Variants in IDI2 observed in about 807,000 individuals in gnomAD.
IDI2 encodes the protein isopentenyl-diphosphate delta isomerase 2.
IDI2 carries 18 observed loss-of-function variants against 14.8 expected under a neutral mutation model. The ratio of observed to expected loss-of-function variants is 1.22; its 90% CI spans 0.84 to 1.80. The LOEUF (loss-of-function observed/expected upper bound fraction) is 1.80, where lower values mean the gene tolerates loss of function less well. IDI2 is among the 40% of genes most tolerant of loss of function. The pLI, the probability that IDI2 is intolerant of heterozygous loss-of-function variation, is 0.00. For missense variants in IDI2, 316 were observed against 283.2 expected, an observed-to-expected ratio of 1.12 and a Z score of -0.83; for synonymous variants, 133 against 109.6, an observed-to-expected ratio of 1.21 and a Z score of -1.33.
In IDI2 at chr10:1,019,748, G is replaced by A. The variant is rs1484469917; in HGVS notation, c.453C>T (p.Tyr151=). 13 of 1,613,968 alleles carry A rather than the reference G, an allele frequency of 8.1e-6. No homozygotes were observed. The highest frequency in any genetic ancestry group is 1.0e-5 in the Non-Finnish European group (12 of 1,179,982). The change falls in exon 5 of 5, where the codon TAC becomes TAT. Residue 151 remains tyrosine, a synonymous_variant. Coordinates refer to ENST00000277517, the MANE Select transcript of IDI2 (RefSeq NM_033261.3). ...TGACGTTTTTCCTCACAAGCAGAAG[G>A]TAACAAATTTCATGCTCTCCCCAAA... ...DRIWGEHEIC[Y]LLLVRKNVTL...
Position 1,020,946 on chromosome 10 carries a change from A to C in IDI2, c.236-49T>G, listed in dbSNP as rs778625929. 8.3e-6 allele frequency: 13 copies of C among 1,575,626 alleles called. No homozygotes were observed. In the East Asian group the frequency reaches 2.5e-4, roughly 30 times the overall value. ...ATCCCTCTTTATTCCTGAAAAGTGA[A>C]TATATTAAATACAAATGCAGATGCT... is the stretch of plus-strand genomic sequence containing the variant. On this transcript the variant is annotated intron_variant, in intron 3 of 4. Transcript: ENST00000277517.
At chr10:1,024,293 T>C (rs1432821410) in intron 2 of IDI2, among the ~76,000 whole-genome samples, 3 of 152,132 alleles carry the variant, frequency 2.0e-5, no homozygotes, top group African/African-American at 7.2e-5. Flanking sequence ...GATGCCAAGG[T>C]CAGGGTTCTC....
intron 3 of IDI2, among the ~76,000 whole-genome samples, chr10:1,021,339 T>C (rs1832095852): frequency 6.6e-6 from 1 of 152,188 alleles, no homozygotes; most frequent in Non-Finnish European, 1.5e-5. Flanking sequence ...TGGTGATCAG[T>C]GAGCATGGTT....
rs756857695 is a variant in IDI2 at position 1,020,875 on chromosome 10, A to G, written c.258T>C (p.Ser86=). 51 of 1,613,610 alleles carry G rather than the reference A, an allele frequency of 3.2e-5. No individual in the cohort carries two copies. In the South Asian group the frequency reaches 5.4e-4, roughly 17 times the overall value. The change falls in exon 4 of 5, where the codon AGT becomes AGC. Residue 86 remains serine, a synonymous_variant. Transcript: ENST00000277517. Reference sequence around the variant, plus strand: ...CTGCTGGGTTGTATAATGGGTGGCTACTACAGGAGTCGGTAAAATACCCTG... The same window carrying G: ...CTGCTGGGTTGTATAATGGGTGGCTGCTACAGGAGTCGGTAAAATACCCTG... ...TFPGYFTDSC[S]SHPLYNPAEL...
rs542783255 is a variant in IDI2, at chr10:1,022,020, A to G, written c.235+663T>C. ...CACGCCTATAATCCCAGCACTTTGG[A>G]AGGCCAAGACAGGCATATCACGAGG... is the stretch of plus-strand genomic sequence containing the variant. On this transcript the variant is annotated intron_variant, in intron 3 of 4. Transcript: ENST00000277517. Among the ~76,000 whole-genome samples the G allele has an allele frequency of 2.8e-4, 42 of 152,238 alleles. 1 individual carries two copies. The South Asian group carries it at 5.4e-3, about 20-fold the overall frequency.
intron 3 of IDI2, among the ~76,000 whole-genome samples, chr10:1,022,191 G>A (rs184524197): frequency 2.6e-4 from 40 of 151,928 alleles, no homozygotes; most frequent in South Asian, 2.5e-3. Flanking sequence ...CCCAGGAGGC[G>A]GGGCTTGCAG....
chr10:1,021,596 G>A (rs1564474691), intron 3 of IDI2, among the ~76,000 whole-genome samples: 1 of 152,202 alleles, frequency 6.6e-6, no homozygotes, highest in South Asian at 2.1e-4. Flanking sequence ...GTATCCTGGA[G>A]GCGGCTAACA....
chr10:1,020,685 T>G, intron 4 of IDI2, 82 bp downstream of exon 4: 1 of 1,413,652 alleles, frequency 7.1e-7, no homozygotes, highest in East Asian at 2.3e-5. Context: ...ATGGTGTAGA[T>G]CCAGCCTGGA....
At chr10:1,023,325 A>G (rs1192595225) in intron 2 of IDI2, among the ~76,000 whole-genome samples, 1 of 152,006 alleles carries the variant, frequency 6.6e-6, no homozygotes, top group African/African-American at 2.4e-5. Flanking sequence ...AATACAAAAA[A>G]ATTAGCTGGG....
chr10:1,024,526 G>A, intron 2 of IDI2, 56 bp downstream of exon 2: 1 of 1,594,754 alleles, frequency 6.3e-7, no homozygotes, highest in Non-Finnish European at 8.6e-7. Context: ...GTTGCCGTCG[G>A]GTGGGAAAAA....
rs1380760066 is a variant in IDI2, at chr10:1,019,221, C to A, written c.*296G>T. 2 of 314,776 alleles carry A rather than the reference C, an allele frequency of 6.4e-6. No homozygotes were observed. The highest frequency in any genetic ancestry group is 2.2e-5 in the African/African-American group (1 of 46,504). The allele number at this position is 314,776 out of a possible 1,614,324, so 19.5% of individuals were successfully genotyped here. On this transcript the variant is annotated 3_prime_UTR_variant, in exon 5 of 5. Coordinates refer to ENST00000277517, the MANE Select transcript of IDI2 (RefSeq NM_033261.3). ...TGCTTCAGGACTCTCAAGATCTCCC[C>A]AAGACTTTCAGGATCAGCTGCTGTT...
chr10:1,025,296 T>C (rs1476138379), intron 1 of IDI2, among the ~76,000 whole-genome samples: 2 of 152,102 alleles, frequency 1.3e-5, no homozygotes, highest in African/African-American at 4.8e-5. Flanking sequence ...TCCCAGTACT[T>C]TGGGAGGCCG....
intron 2 of IDI2, among the ~76,000 whole-genome samples, chr10:1,024,304 G>A (rs1374881379): frequency 6.6e-6 from 1 of 152,184 alleles, no homozygotes; most frequent in Non-Finnish European, 1.5e-5. Flanking sequence ...CAGGGTTCTC[G>A]CTAAAACAAC....
chr10:1,020,799 G>T lies in IDI2; in HGVS notation c.334C>A (p.Leu112Met), dbSNP rs1316747992. The change falls in exon 4 of 5, where the codon CTG becomes ATG. Residue 112 changes from leucine to methionine, a missense_variant. Coordinates refer to ENST00000277517, the MANE Select transcript of IDI2 (RefSeq NM_033261.3). ...CCAGGAATTCCCAGCTCTGCTTGCA[G>T]ACGCCTCTGGGCTGCCCTCCTCACT... ...IGVRRAAQRR[L>M]QAELGIPGEQ... The T allele has an allele frequency of 1.2e-6, 2 of 1,613,392 alleles. No individual in the cohort carries two copies. Among genetic ancestry groups the T allele is most frequent in the Non-Finnish European group, 8.5e-7 (1 of 1,179,804 alleles).
chr10:1,020,806 C>G lies in IDI2; in HGVS notation c.327G>C (p.Gln109His), dbSNP rs1175275798. The change falls in exon 4 of 5, where the codon CAG becomes CAC. Residue 109 changes from glutamine to histidine, a missense_variant. Gln to His is a conservative substitution (Grantham distance 24, BLOSUM62 0). Coordinates refer to ENST00000277517, the MANE Select transcript of IDI2 (RefSeq NM_033261.3). ...TTCCCAGCTCTGCTTGCAGACGCCT[C>G]TGGGCTGCCCTCCTCACTCCGATGG... ...KDAIGVRRAA[Q>H]RRLQAELGIP... The G allele has an allele frequency of 6.2e-7, 1 of 1,613,786 alleles. No homozygotes were observed. Among genetic ancestry groups the G allele is most frequent in the Non-Finnish European group, 8.5e-7 (1 of 1,179,938 alleles).
At chr10:1,020,573 T>C (rs1443726511) in intron 4 of IDI2, among the ~76,000 whole-genome samples, 194 bp downstream of exon 4, 2 of 152,140 alleles carry the variant, frequency 1.3e-5, no homozygotes, top group Admixed American at 1.3e-4. Flanking sequence ...CACTGCCCCA[T>C]CCACAGCTAC....
chr10:1,020,848 T>C lies in IDI2; in HGVS notation c.285A>G (p.Glu95=). ...CSSHPLYNPA[E]LEEKDAIGVR... is the part of the protein sequence containing the mutation. ...CTCCGATGGCATCCTTTTCTTCCAG[T>C]TCTGCTGGGTTGTATAATGGGTGGC... The change falls in exon 4 of 5, where the codon GAA becomes GAG. Residue 95 remains glutamate (E), a synonymous_variant. Coordinates refer to ENST00000277517, the MANE Select transcript of IDI2 (RefSeq NM_033261.3). 1 of 1,613,772 alleles carries C rather than the reference T, an allele frequency of 6.2e-7. No individual in the cohort carries two copies. Among genetic ancestry groups the C allele is most frequent in the Non-Finnish European group, 8.5e-7 (1 of 1,179,818 alleles).
At chr10:1,025,255 C>T (rs1832195970) in intron 1 of IDI2, among the ~76,000 whole-genome samples, 1 of 152,070 alleles carries the variant, frequency 6.6e-6, no homozygotes, top group Non-Finnish European at 1.5e-5. Flanking sequence ...AAAATGTTTT[C>T]AGGGCCAGGA....
rs1832041777 is a variant in IDI2 at position 1,019,054 on chromosome 10, T to G, written c.*463A>C. ...AGGATGCAAGATTGAATGTGTCTTT[T>G]TTTTAAAAATGCAGCCTTGTGTTGC... On this transcript the variant is annotated 3_prime_UTR_variant, in exon 5 of 5. Coordinates refer to ENST00000277517, the MANE Select transcript of IDI2 (RefSeq NM_033261.3). 1.3e-5 allele frequency: 2 copies of G among 157,586 alleles called. No homozygotes were observed. The highest frequency in any genetic ancestry group is 2.4e-5 in the African/African-American group (1 of 41,452). 9.8% of individuals were successfully genotyped at this position (157,586 alleles called of 1,614,324 possible).
Sources: gnomAD v4.1 joint callset for allele counts (sites outside exome capture counted in the v4.1 genomes callset) on GRCh38, gnomAD v4.1.1 for gene constraint, MANE v1.5 for transcripts, NCBI Gene and HGNC (gene_info 2026-07-23, HGNC 2026-07-21) for gene names.